Variants in MFSD11 observed in about 807,000 individuals in gnomAD.
MFSD11 encodes the protein UNC93-like protein MFSD11.
A neutral mutation model predicts 53.5 loss-of-function variants in MFSD11; 36 were observed. The observed-to-expected ratio is 0.67, with a 90% CI of 0.52 to 0.89. The LOEUF is 0.89. MFSD11 is among the 40% of genes least tolerant of loss of function. The pLI, the probability that MFSD11 is intolerant of heterozygous loss-of-function variation, is 0.00. For missense variants in MFSD11, 530 were observed against 543.9 expected, an observed-to-expected ratio of 0.97 and a Z score of 0.25; for synonymous variants, 186 against 184.9, an observed-to-expected ratio of 1.01 and a Z score of -0.05.
chr17:76,770,021 T>C, intron 10 of MFSD11, 150 bp downstream of exon 10: 2 of 677,996 alleles, frequency 2.9e-6, no homozygotes, highest in African/African-American at 1.9e-5. Flanking sequence ...CTATTATTGC[T>C]ATTCTTTTTC....
chr17:76,763,432 T>C (rs963363927), intron 8 of MFSD11, among the ~76,000 whole-genome samples: 9 of 152,140 alleles, frequency 5.9e-5, no homozygotes, highest in African/African-American at 1.9e-4. Flanking sequence ...CCCGGCTAAC[T>C]GTTATATTTT....
intron 8 of MFSD11, among the ~76,000 whole-genome samples, chr17:76,754,635 G>A (rs891498942): frequency 4.3e-5 from 6 of 140,610 alleles, no homozygotes; most frequent in African/African-American, 1.6e-4. Context: ...AGTGAGCCGA[G>A]ATTGCCCCAC....
In MFSD11 at chr17:76,754,187, G is replaced by C; in HGVS notation, c.682+100G>C. The stretch of plus-strand genomic sequence containing the variant: ...GTAACTTTGGATTGATGACACCCCA[G>C]GGTTTGCATTTTTCCAGGTATGCTG... On this transcript the variant is annotated intron_variant, in intron 8 of 12. Transcript: ENST00000685175. The C allele has an allele frequency of 3.3e-6, 3 of 904,986 alleles. No homozygotes were observed. In the Admixed American group the frequency reaches 6.5e-5, roughly 20 times the overall value. The allele number at this position is 904,986 out of a possible 1,614,324, so 56.1% of individuals were successfully genotyped here.
intron 8 of MFSD11, among the ~76,000 whole-genome samples, chr17:76,764,686 T>TACAC (rs35495045): frequency 4.0e-5 from 6 of 150,992 alleles, no homozygotes; most frequent in South Asian, 2.1e-4. Context: ...ATATAATTAA[T>TACAC]ACACACACAC....
Position 76,738,379 on chromosome 17 carries a change from C to T in MFSD11, c.27C>T (p.Phe9=), listed in dbSNP as rs2077705716. 1 of 1,614,116 alleles carries T rather than the reference C, an allele frequency of 6.2e-7. No homozygotes were observed. The highest frequency in any genetic ancestry group is 8.5e-7 in the Non-Finnish European group (1 of 1,179,980). MSPESKKL[F]NIIILGVAFM... ...TGTCCCCGGAATCTAAAAAGCTTTT[C>T]AACATCATTATTTTAGGAGTTGCCT... is the stretch of plus-strand genomic sequence containing the variant. The change falls in exon 1 of 13, where the codon TTC becomes TTT. Residue 9 remains phenylalanine, a synonymous_variant. Coordinates refer to ENST00000685175, the MANE Select transcript of MFSD11 (RefSeq NM_001242532.5).
intron 8 of MFSD11, among the ~76,000 whole-genome samples, chr17:76,762,779 C>G (rs1047468272): frequency 7.2e-5 from 11 of 151,834 alleles, no homozygotes; most frequent in African/African-American, 1.7e-4. Context: ...GTGGACTTCC[C>G]GAGTAGAAAG....
chr17:76,751,798 C>T (rs986044488), intron 7 of MFSD11, among the ~76,000 whole-genome samples: 17 of 151,970 alleles, frequency 1.1e-4, no homozygotes, highest in African/African-American at 4.1e-4. Flanking sequence ...GCTTAACTTG[C>T]ATTATCTTAT....
intron 10 of MFSD11, among the ~76,000 whole-genome samples, chr17:76,770,885 TTTATGGAGATCCTG>T (rs1194353824): frequency 6.6e-6 from 1 of 152,174 alleles, no homozygotes; most frequent in Non-Finnish European, 1.5e-5. Context: ...TTTAGGGGGA[TTTATGGAGATCCTG>T]TTACATAGGC....
At chr17:76,778,136 G>A in intron 12 of MFSD11, 52 bp from the exon 13 acceptor site, 2 of 1,603,246 alleles carry the variant, frequency 1.2e-6, no homozygotes, top group Non-Finnish European at 1.7e-6. Flanking sequence ...GCTAACTGTG[G>A]CTCAGTGTGG....
intron 9 of MFSD11, 189 bp from the exon 10 acceptor site, chr17:76,769,557 C>T (rs1186078980): frequency 8.7e-6 from 4 of 462,200 alleles, no homozygotes; most frequent in Non-Finnish European, 1.5e-5. Context: ...ACATTTAGTC[C>T]ATAGCATGAA....
chr17:76,763,833 T>G (rs933979800), intron 8 of MFSD11, among the ~76,000 whole-genome samples: 2 of 151,710 alleles, frequency 1.3e-5, no homozygotes, highest in Admixed American at 1.3e-4. Context: ...TTACAAAAAT[T>G]GTATATATTT....
chr17:76,758,988 T>G (rs1366738609), intron 8 of MFSD11, among the ~76,000 whole-genome samples: 1 of 152,124 alleles, frequency 6.6e-6, no homozygotes, highest in African/African-American at 2.4e-5. Context: ...CTCACACCTG[T>G]AATACCAGCA....
chr17:76,784,133 A>G (rs1332289811), downstream of MFSD11, among the ~76,000 whole-genome samples: 1 of 152,226 alleles, frequency 6.6e-6, no homozygotes, highest in Non-Finnish European at 1.5e-5. Context: ...GTATATACAT[A>G]AAAGAGTTAA....
At chr17:76,756,953 A>G (rs557432202) in intron 8 of MFSD11, among the ~76,000 whole-genome samples, 1 of 152,022 alleles carries the variant, frequency 6.6e-6, no homozygotes, top group East Asian at 1.9e-4. Flanking sequence ...CAATTTAACC[A>G]TTTTTGATGG....
chr17:76,779,995 A>G (rs1181376731), downstream of MFSD11, among the ~76,000 whole-genome samples: 1 of 152,310 alleles, frequency 6.6e-6, no homozygotes, highest in East Asian at 1.9e-4. Flanking sequence ...GTGCAAGTCT[A>G]TCATCCTGGG....
chr17:76,776,033 A>G lies in MFSD11; in HGVS notation c.1050-373A>G, dbSNP rs984760562. ...CACTCTGTCTGCCAGCCTAGAATGC[A>G]AGTGGCGTGATCTCCGCTCACTGCA... On this transcript the variant is annotated intron_variant, in intron 11 of 12. Coordinates refer to ENST00000685175, the MANE Select transcript of MFSD11 (RefSeq NM_001242532.5). The surrounding 1 kb of genome is among the most constrained non-coding windows in gnomAD (Gnocchi z 4.2). Among the ~76,000 whole-genome samples the G allele has an allele frequency of 1.3e-5, 2 of 152,198 alleles. No homozygotes were observed. The highest frequency in any genetic ancestry group is 2.9e-5 in the Non-Finnish European group (2 of 68,032).
intron 4 of MFSD11, 51 bp downstream of exon 4, chr17:76,742,099 A>G (rs760491247): frequency 1.2e-6 from 2 of 1,613,838 alleles, no homozygotes; most frequent in South Asian, 1.1e-5. Flanking sequence ...GGGCCTATCT[A>G]AGGGTATTAT....
At chr17:76,788,522 C>T in the MFSD11 span, among the ~76,000 whole-genome samples, 1 of 148,792 alleles carries the variant, frequency 6.7e-6, no homozygotes, top group Non-Finnish European at 1.5e-5. Context: ...CCTGCCACCA[C>T]GCCCGGCTAA....
chr17:76,736,987 G>C (rs779792829), upstream of MFSD11: 1 of 1,613,568 alleles, frequency 6.2e-7, no homozygotes, highest in Non-Finnish European at 8.5e-7. Context: ...AGCGAACGAA[G>C]GCGAAGCCGC....
Sources: gnomAD v4.1 joint callset for allele counts (sites outside exome capture counted in the v4.1 genomes callset) on GRCh38, gnomAD v4.1.1 for gene constraint, Gnocchi (gnomAD v3.1) non-coding constraint, MANE v1.5 for transcripts, NCBI Gene and HGNC (gene_info 2026-07-23, HGNC 2026-07-21) for gene names.